MAT2B: variants seen among roughly 807,000 people sequenced by gnomAD.
MAT2B encodes the protein methionine adenosyltransferase 2 non-catalytic beta subunit, also known as methionine adenosyltransferase 2 subunit beta.
Under a neutral mutation model 36.1 loss-of-function variants are expected in MAT2B, and 16 were observed. The observed-to-expected ratio is 0.44, with a 90% CI of 0.30 to 0.67. MAT2B has a LOEUF of 0.67. MAT2B is among the 30% of genes least tolerant of loss of function. MAT2B has a pLI of 0.09. For missense variants in MAT2B, 332 were observed against 398.2 expected (o/e 0.83, Z 1.42); for synonymous variants, 148 against 136.9 (o/e 1.08, Z -0.57).
intron 1 of MAT2B, among the ~76,000 whole-genome samples, chr5:163,510,019 TAAA>T (rs889327391): frequency 3.3e-5 from 5 of 151,670 alleles, no homozygotes; most frequent in Admixed American, 6.6e-5. Flanking sequence ...TGGTGTCTTT[TAAA>T]AAAAAATGTA....
upstream of MAT2B, chr5:163,503,424 G>C (rs774531126): frequency 6.2e-7 from 1 of 1,613,824 alleles, no homozygotes; most frequent in South Asian, 1.1e-5. Context: ...ACATGGAGCA[G>C]GTAAGAACTA....
At chr5:163,505,522 G>A, upstream of MAT2B, 5 of 1,240,676 alleles carry the variant, frequency 4.0e-6, no homozygotes, top group African/African-American at 1.6e-5. Flanking sequence ...TCGGCGGAGC[G>A]TGGCCAATCA....
rs1016003906 is a variant in MAT2B at position 163,505,631 on chromosome 5, G to A, written c.-56G>A. 8.0e-7 allele frequency: 1 copy of A among 1,253,356 alleles called. No homozygotes were observed. Among genetic ancestry groups the A allele is most frequent in the Non-Finnish European group, 1.0e-6 (1 of 990,638 alleles). 77.6% of individuals were successfully genotyped at this position (1,253,356 alleles called of 1,614,324 possible). A position where few individuals can be genotyped will look rare whatever the true frequency, so the allele number is the denominator to read the frequency against. ...GGGCGTCTGAGCTGAGGCCCGCGTC[G>A]ATCCTGGGTTGGAGGAGGTGGCGGC... On this transcript the variant is annotated 5_prime_UTR_variant, in exon 1 of 7. Coordinates refer to ENST00000321757, the MANE Select transcript of MAT2B (RefSeq NM_013283.5).
chr5:163,503,331 C>T (rs1759877896), upstream of MAT2B: 2 of 1,509,114 alleles, frequency 1.3e-6, no homozygotes, highest in South Asian at 2.3e-5. Context: ...AACAAAGACC[C>T]AGCAAGAGAA....
At chr5:163,508,645 C>T (rs1759986658) in intron 1 of MAT2B, among the ~76,000 whole-genome samples, 1 of 151,632 alleles carries the variant, frequency 6.6e-6, no homozygotes, top group South Asian at 2.1e-4. Flanking sequence ...GAGATGAAGT[C>T]TAGCTCGTGT....
intron 2 of MAT2B, chr5:163,513,318 C>T (rs1760079614): frequency 5.5e-6 from 2 of 363,116 alleles, no homozygotes; most frequent in African/African-American, 2.1e-5. Flanking sequence ...AGTTTTTTTC[C>T]TGGTTTGTGT....
chr5:163,511,404 C>T (rs1290500052), intron 1 of MAT2B, among the ~76,000 whole-genome samples: 1 of 149,484 alleles, frequency 6.7e-6, no homozygotes, highest in Non-Finnish European at 1.5e-5. Flanking sequence ...GCTAGGACTA[C>T]AGGCATGCAC....
Position 163,515,939 on chromosome 5 carries a change from TGTC to T in MAT2B, c.527-578_527-576del, listed in dbSNP as rs1391945228. On this transcript the variant is annotated intron_variant, in intron 4 of 6. Transcript: ENST00000321757. ...TTGTAGAGACGAGGTCTCACTGTGT[TGTC>T]CACGCTGGTCTCGAACTCCTGGGCT... is the stretch of plus-strand genomic sequence containing the variant. Among the ~76,000 whole-genome samples, 4 of 152,036 alleles carry T rather than the reference TGTC, an allele frequency of 2.6e-5. 1 individual carries two copies. In the East Asian group the frequency reaches 7.7e-4, roughly 29 times the overall value.
intron 5 of MAT2B, 77 bp downstream of exon 5, chr5:163,516,788 T>G (rs1292794428): frequency 3.3e-6 from 5 of 1,520,352 alleles, no homozygotes; most frequent in Non-Finnish European, 4.5e-6. Context: ...ACAGCTGTAC[T>G]TGGAGTGTTA....
At chr5:163,515,996 A>G (rs1427827574) in intron 4 of MAT2B, among the ~76,000 whole-genome samples, 1 of 151,872 alleles carries the variant, frequency 6.6e-6, no homozygotes, top group Non-Finnish European at 1.5e-5. Flanking sequence ...TGGACTCCCA[A>G]GTGCTGGAAT....
rs764384650 is a variant in MAT2B, at chr5:163,518,351, G to C, written c.993G>C (p.Thr331=). ...PFLIDKRWRQ[T]VFH ...TCATTGACAAGAGATGGAGACAAACGGTCTTTCATTAGTTTATTTGTGTTG... is the reference window on the plus strand; with the variant it reads ...TCATTGACAAGAGATGGAGACAAACCGTCTTTCATTAGTTTATTTGTGTTG... Residue 331 remains threonine (T), a synonymous_variant, in exon 7 of 7, where the codon ACG becomes ACC. Coordinates refer to ENST00000321757, the MANE Select transcript of MAT2B (RefSeq NM_013283.5). The C allele has an allele frequency of 5.6e-6, 9 of 1,604,826 alleles. No individual in the cohort carries two copies. Among genetic ancestry groups the C allele is most frequent in the South Asian group, 1.1e-5 (1 of 88,454 alleles).
chr5:163,509,333 A>G (rs1759998811), intron 1 of MAT2B, among the ~76,000 whole-genome samples: 1 of 152,184 alleles, frequency 6.6e-6, no homozygotes, highest in African/African-American at 2.4e-5. Flanking sequence ...ATTTTGAGAA[A>G]GGTAGATGGC....
At chr5:163,514,070 T>G in intron 4 of MAT2B, 76 bp downstream of exon 4, 2 of 1,165,818 alleles carry the variant, frequency 1.7e-6, no homozygotes, top group East Asian at 2.8e-5. Context: ...ATATATATGT[T>G]TTAAATTTAA....
At chr5:163,514,692 T>C (rs893078492) in intron 4 of MAT2B, among the ~76,000 whole-genome samples, 2 of 152,190 alleles carry the variant, frequency 1.3e-5, no homozygotes, top group Non-Finnish European at 2.9e-5. Context: ...AGTGGCTGCG[T>C]AGTACTTAAT....
Position 163,518,393 on chromosome 5 carries a change from TA to T in MAT2B, c.*33del. ...TTTGTGTTGGGTTCTTTTTTTTTTT[TA>T]AATGAAAAGTATAGTATGTGGCACT... On this transcript the variant is annotated 3_prime_UTR_variant, in exon 7 of 7. Coordinates refer to ENST00000321757, the MANE Select transcript of MAT2B (RefSeq NM_013283.5). 4.9e-6 allele frequency: 7 copies of T among 1,435,822 alleles called. No homozygotes were observed. The highest frequency in any genetic ancestry group is 1.4e-5 in the African/African-American group (1 of 69,462). 88.9% of individuals were successfully genotyped at this position (1,435,822 alleles called of 1,614,324 possible).
chr5:163,506,083 T>G (rs1399406380), intron 1 of MAT2B, among the ~76,000 whole-genome samples: 2 of 152,208 alleles, frequency 1.3e-5, no homozygotes, highest in African/African-American at 4.8e-5. Context: ...TTTATTCATC[T>G]TTGGTTCGTA....
intron 1 of MAT2B, among the ~76,000 whole-genome samples, chr5:163,509,722 G>A (rs1759719329): frequency 6.6e-6 from 1 of 152,120 alleles, no homozygotes; most frequent in African/African-American, 2.4e-5. Context: ...GACTGTATCT[G>A]TACTAGACTT....
upstream of MAT2B, among the ~76,000 whole-genome samples, chr5:163,504,965 G>T (rs1214729501): frequency 1.3e-5 from 2 of 152,108 alleles, no homozygotes; most frequent in Non-Finnish European, 2.9e-5. Flanking sequence ...TATGGGTAAA[G>T]TCCAAGGATC....
Position 163,516,938 on chromosome 5 carries a change from T to TTAAA in MAT2B, c.720+228_720+229insAAAT, listed in dbSNP as rs2113562786. 4 of 588,940 alleles carry TTAAA rather than the reference T, an allele frequency of 6.8e-6. No individual in the cohort carries two copies. In the East Asian group the frequency reaches 1.1e-4, roughly 16 times the overall value. 36.5% of individuals were successfully genotyped at this position (588,940 alleles called of 1,614,324 possible). On this transcript the variant is annotated intron_variant, in intron 5 of 6. Transcript: ENST00000321757. ...TCTTATGTACTATAGATCCCATCAT[T>TTAAA]TCTTTTATTGCAAAGTGTTAGGAAA...
Sources: allele counts gnomAD v4.1 joint callset (sites outside exome capture counted in the v4.1 genomes callset), GRCh38; gene constraint gnomAD v4.1.1; transcripts MANE v1.5; gene names NCBI Gene and HGNC (gene_info 2026-07-23, HGNC 2026-07-21).